The following PCDHGA4 variants were observed in gnomAD, a reference collection of about 807,000 sequenced individuals.
The protein encoded by PCDHGA4 is protocadherin gamma subfamily A, 4, also known as protocadherin gamma-A4.
PCDHGA4 carries 38 observed loss-of-function variants against 54.6 expected under a neutral mutation model. The ratio of observed to expected loss-of-function variants is 0.70; its 90% CI spans 0.54 to 0.91. The LOEUF is 0.91. PCDHGA4 is among the 40% of genes least tolerant of loss of function. The pLI, the probability that PCDHGA4 is intolerant of heterozygous loss-of-function variation, is 0.00. For missense variants in PCDHGA4, 1,298 were observed against 1,220.9 expected (o/e 1.06, Z -0.94); for synonymous variants, 511 against 512.9 (o/e 1.00, Z 0.05).
intron 1 of PCDHGA4, among the ~76,000 whole-genome samples, chr5:141,381,978 C>T (rs1002371340): frequency 6.6e-6 from 1 of 151,452 alleles, no homozygotes; most frequent in Non-Finnish European, 1.5e-5. Flanking sequence ...TACAGGCGCG[C>T]GCCACCACGC....
intron 1 of PCDHGA4, among the ~76,000 whole-genome samples, chr5:141,460,344 A>G (rs930557610): frequency 7.2e-5 from 11 of 152,060 alleles, no homozygotes; most frequent in African/African-American, 2.2e-4. Context: ...ATTTTCTCCT[A>G]TATTTTCTTT....
At chr5:141,404,381 T>A (rs762394525) in intron 1 of PCDHGA4, 5 of 1,613,954 alleles carry the variant, frequency 3.1e-6, no homozygotes, top group Middle Eastern at 1.6e-4. Context: ...CGTGATTGCC[T>A]ATGACCCTGA....
At chr5:141,492,402 C>A (rs1254310448) in intron 1 of PCDHGA4, among the ~76,000 whole-genome samples, 1 of 152,232 alleles carries the variant, frequency 6.6e-6, no homozygotes, top group African/African-American at 2.4e-5. Flanking sequence ...TCGCAGCTCC[C>A]CTCTGCCGCT....
At chr5:141,495,193 T>G (rs1471524188) in intron 2 of PCDHGA4, among the ~76,000 whole-genome samples, 2 of 152,192 alleles carry the variant, frequency 1.3e-5, no homozygotes, top group Non-Finnish European at 2.9e-5. Flanking sequence ...TCTATGCCCA[T>G]GTACTGCCTA....
chr5:141,487,404 C>A lies in PCDHGA4; in HGVS notation c.2515-7403C>A, dbSNP rs771371344. 1.2e-6 allele frequency: 2 copies of A among 1,614,178 alleles called. No homozygotes were observed. Among genetic ancestry groups the A allele is most frequent in the Non-Finnish European group, 1.7e-6 (2 of 1,180,032 alleles). ...AGATCTCGAAGGAGGGAGGGGCTTC[C>A]CCCTTCCAATGGGATCCTCCGAATC... is the stretch of plus-strand genomic sequence containing the variant. On this transcript the variant is annotated intron_variant, in intron 1 of 3. Coordinates refer to ENST00000571252, the MANE Select transcript of PCDHGA4 (RefSeq NM_018917.4). The surrounding 1 kb of genome is among the most constrained non-coding windows in gnomAD (Gnocchi z 5.0).
chr5:141,508,741 C>G (rs2099871426), intron 3 of PCDHGA4, among the ~76,000 whole-genome samples: 1 of 152,042 alleles, frequency 6.6e-6, no homozygotes, highest in Non-Finnish European at 1.5e-5. Context: ...ACCCCCCACC[C>G]CGCTCTTTCT....
chr5:141,355,345 G>T lies in PCDHGA4; in HGVS notation c.238G>T (p.Ala80Ser). 6.2e-7 allele frequency: 1 copy of T among 1,614,020 alleles called. No homozygotes were observed. The highest frequency in any genetic ancestry group is 8.5e-7 in the Non-Finnish European group (1 of 1,179,912). Residue 80 changes from alanine to serine, a missense_variant, in exon 1 of 4, where the codon GCC becomes TCC. By Grantham distance (99) the Ala-to-Ser change is moderately conservative (BLOSUM62 1). Coordinates refer to ENST00000571252, the MANE Select transcript of PCDHGA4 (RefSeq NM_018917.4). ...QEEGSVVGNI[A>S]KDLGLAPREL... ...AGAAGGCTCAGTGGTGGGCAACATC[G>T]CCAAGGACCTGGGGTTGGCGCCCCG...
chr5:141,407,847 T>C (rs1236964962), intron 1 of PCDHGA4, among the ~76,000 whole-genome samples: 2 of 152,224 alleles, frequency 1.3e-5, no homozygotes, highest in African/African-American at 4.8e-5. Context: ...TTGAGGGGGA[T>C]GTACACCTGC....
rs568927137 is a variant in PCDHGA4, at chr5:141,410,186, CT to C, written c.2514+52566del. On this transcript the variant is annotated intron_variant, in intron 1 of 3. Coordinates refer to ENST00000571252, the MANE Select transcript of PCDHGA4 (RefSeq NM_018917.4). ...ACTCTCTGCCACCGCCACGCTTCAT[CT>C]GGTCTTCGCAGACAACTTGCAAGAG... 1.6e-5 allele frequency: 26 copies of C among 1,613,940 alleles called. 1 individual carries two copies. In the South Asian group the frequency reaches 2.6e-4, roughly 16 times the overall value.
chr5:141,376,222 G>T (rs1485996653), intron 1 of PCDHGA4: 2 of 1,614,068 alleles, frequency 1.2e-6, no homozygotes, highest in East Asian at 2.2e-5. Flanking sequence ...TGCTGCTGGC[G>T]CTCAGACTGC....
At position 141,403,830 on chromosome 5, in the gene PCDHGA4, A is replaced by G. The variant is rs763794433; in HGVS notation, c.2514+46209A>G. On this transcript the variant is annotated intron_variant, in intron 1 of 3. Coordinates refer to ENST00000571252, the MANE Select transcript of PCDHGA4 (RefSeq NM_018917.4). ...AATGAAAAACAATCTCTGCTATTCC[A>G]GCTTAATGAAAATACTGGGGAAATA... The G allele has an allele frequency of 3.7e-6, 6 of 1,613,754 alleles. No individual in the cohort carries two copies. In the Admixed American group the frequency reaches 5.0e-5, roughly 13 times the overall value.
chr5:141,511,144 A>C lies in PCDHGA4; in HGVS notation c.2860A>C (p.Lys954Gln). 2 of 1,614,202 alleles carry C rather than the reference A, an allele frequency of 1.2e-6. No homozygotes were observed. The highest frequency in any genetic ancestry group is 1.7e-6 in the Non-Finnish European group (2 of 1,180,016). The change falls in exon 4 of 4, where the codon AAG becomes CAG. Residue 954 changes from lysine to glutamine, a missense_variant. By Grantham distance (53) the Lys-to-Gln change is moderately conservative. Transcript: ENST00000571252. Reference sequence around the variant, plus strand: ...CCCAGCAGGTGGCAATGGCAACAAGAAGAAGTCGGGCAAGAAGGAGAAGAA... The same window carrying C: ...CCCAGCAGGTGGCAATGGCAACAAGCAGAAGTCGGGCAAGAAGGAGAAGAA... ...KAPAGGNGNK[K>Q]KSGKKEKK
At chr5:141,436,305 T>C (rs2097810667) in intron 1 of PCDHGA4, among the ~76,000 whole-genome samples, 1 of 152,184 alleles carries the variant, frequency 6.6e-6, no homozygotes. Flanking sequence ...AGTTAGAGCA[T>C]GAATAGTCAA....
At chr5:141,419,051 T>A (rs1007349455) in intron 1 of PCDHGA4, 6 of 1,613,950 alleles carry the variant, frequency 3.7e-6, no homozygotes, top group East Asian at 2.2e-5. Context: ...TCATTCTTCT[T>A]CTAATAATTA....
intron 1 of PCDHGA4, chr5:141,418,422 G>A: frequency 6.2e-7 from 1 of 1,613,996 alleles, no homozygotes; most frequent in East Asian, 2.2e-5. Context: ...AATCCTGATG[G>A]TGGCAAATAT....
chr5:141,501,509 C>T lies in PCDHGA4; in HGVS notation c.2574-3884C>T, dbSNP rs1046763108. 4.6e-5 allele frequency among the ~76,000 whole-genome samples: 7 copies of T among 152,080 alleles called. No individual in the cohort carries two copies. The South Asian group carries it at 6.2e-4, about 14-fold the overall frequency. On this transcript the variant is annotated intron_variant, in intron 2 of 3. Transcript: ENST00000571252. The stretch of plus-strand genomic sequence containing the variant: ...ATATCTGCTGCTGGGGCTCCAAGGC[C>T]TCCAAGCTGAAGCCCAGTACGTTGT...
At chr5:141,404,684 G>GT in intron 1 of PCDHGA4, 1 of 1,614,104 alleles carries the variant, frequency 6.2e-7, no homozygotes, top group Non-Finnish European at 8.5e-7. Flanking sequence ...TGTGGAGCTG[G>GT]CACCCCGCTC....
At position 141,485,541 on chromosome 5, in the gene PCDHGA4, T is replaced by A; in HGVS notation, c.2515-9266T>A. 2 of 1,613,902 alleles carry A rather than the reference T, an allele frequency of 1.2e-6. No homozygotes were observed. Among genetic ancestry groups the A allele is most frequent in the Non-Finnish European group, 1.7e-6 (2 of 1,179,958 alleles). ...GAAATGTACCGAGCAGAGGTAGAGATCGTAGATGTGAATGATCACGCCCCC... is the reference window on the plus strand; with the variant it reads ...GAAATGTACCGAGCAGAGGTAGAGAACGTAGATGTGAATGATCACGCCCCC... On this transcript the variant is annotated intron_variant, in intron 1 of 3. Coordinates refer to ENST00000571252, the MANE Select transcript of PCDHGA4 (RefSeq NM_018917.4). The surrounding 1 kb of genome is among the most constrained non-coding windows in gnomAD (Gnocchi z 5.7).
At chr5:141,376,807 C>T in intron 1 of PCDHGA4, 1 of 328,760 alleles carries the variant, frequency 3.0e-6, no homozygotes, top group Admixed American at 4.7e-5. Context: ...CTGCCTCAGC[C>T]TCCCTAGTAG....
Sources: gnomAD v4.1 joint callset for allele counts (sites outside exome capture counted in the v4.1 genomes callset) on GRCh38, gnomAD v4.1.1 for gene constraint, Gnocchi (gnomAD v3.1) non-coding constraint, MANE v1.5 for transcripts, NCBI Gene and HGNC (gene_info 2026-07-23, HGNC 2026-07-21) for gene names.